Variants in SYNM observed in about 807,000 individuals in gnomAD.
The protein encoded by SYNM is synemin.
Under a neutral mutation model 104.0 loss-of-function variants are expected in SYNM, and 95 were observed. That is an observed-to-expected ratio of 0.91 (90% CI 0.77 to 1.08). SYNM has a LOEUF of 1.08. Among genes scored for constraint, SYNM ranks in the 50% least tolerant of loss-of-function variants. The pLI is 0.00. For missense variants in SYNM, 2,150 were observed against 2,052.2 expected (o/e 1.05, Z -0.92); for synonymous variants, 918 against 869.0 (o/e 1.06, Z -0.99).
In SYNM at chr15:99,128,032, C is replaced by T. The variant is rs909723366; in HGVS notation, c.1006+1240C>T. On this transcript the variant is annotated intron_variant, in intron 3 of 3. Coordinates refer to ENST00000336292, the MANE Select transcript of SYNM (RefSeq NM_145728.3). ...TCATTCATTCATTCATTCATTCATT[C>T]ATTATTTTTCAAGCTTCTTGAAGGA... Among the ~76,000 whole-genome samples, 7 of 150,604 alleles carry T rather than the reference C, an allele frequency of 4.6e-5. No homozygotes were observed. The South Asian group carries it at 1.1e-3, about 23-fold the overall frequency.
chr15:99,118,467 C>G (rs1395457032), intron 2 of SYNM, among the ~76,000 whole-genome samples: 8 of 152,266 alleles, frequency 5.3e-5, no homozygotes, highest in African/African-American at 1.9e-4. Flanking sequence ...CTTATTGGTT[C>G]TCATTCACAT....
chr15:99,114,286 A>C (rs1193467489), intron 2 of SYNM, among the ~76,000 whole-genome samples: 2 of 137,924 alleles, frequency 1.5e-5, no homozygotes, highest in Non-Finnish European at 3.4e-5. Context: ...GAGAGAGCTC[A>C]GGGGAAACTG....
In SYNM at chr15:99,132,437, C is replaced by A; in HGVS notation, c.4077C>A (p.Thr1359=). 6.2e-7 allele frequency: 1 copy of A among 1,614,026 alleles called. No homozygotes were observed. Among genetic ancestry groups the A allele is most frequent in the Non-Finnish European group, 8.5e-7 (1 of 1,179,904 alleles). The change falls in exon 4 of 4, where the codon ACC becomes ACA. Residue 1359 remains threonine, a synonymous_variant. Transcript: ENST00000336292. The part of the protein sequence containing the change: ...ADVHQATHSH[T]SGRQTVMTEK... Reference sequence around the variant, plus strand: ...TGCACCAGGCCACTCACAGTCATACCTCGGGTAGACAAACCGTTATGACTG... The same window carrying A: ...TGCACCAGGCCACTCACAGTCATACATCGGGTAGACAAACCGTTATGACTG...
chr15:99,119,300 C>A (rs1004623399), intron 2 of SYNM, among the ~76,000 whole-genome samples: 1 of 152,200 alleles, frequency 6.6e-6, no homozygotes, highest in Non-Finnish European at 1.5e-5. Flanking sequence ...CGGCAGCATG[C>A]GCATTGTGAG....
chr15:99,134,986 T>C lies in SYNM; in HGVS notation c.*1928T>C, dbSNP rs1457604655. ...AATGGTTTTTGGATAGATGATTGAC[T>C]GGTGAGAATTTGGTCAAGGTGACAG... On this transcript the variant is annotated 3_prime_UTR_variant, in exon 4 of 4. Coordinates refer to ENST00000336292, the MANE Select transcript of SYNM (RefSeq NM_145728.3). 2 of 152,328 alleles carry C rather than the reference T, an allele frequency of 1.3e-5. No homozygotes were observed. Among genetic ancestry groups the C allele is most frequent in the Non-Finnish European group, 2.9e-5 (2 of 68,044 alleles). 9.4% of individuals were successfully genotyped at this position (152,328 alleles called of 1,614,324 possible).
intron 1 of SYNM, among the ~76,000 whole-genome samples, chr15:99,107,268 T>C (rs1014817567): frequency 2.6e-5 from 4 of 152,230 alleles, no homozygotes; most frequent in Middle Eastern, 3.2e-3. Flanking sequence ...CGATTTCCAC[T>C]TGTGAGCACT....
chr15:99,132,164 C>T lies in SYNM; in HGVS notation c.3804C>T (p.Gly1268=). 2 of 1,613,938 alleles carry T rather than the reference C, an allele frequency of 1.2e-6. No individual in the cohort carries two copies. The highest frequency in any genetic ancestry group is 2.2e-5 in the South Asian group (2 of 91,082). The change falls in exon 4 of 4, where the codon GGC becomes GGT. Residue 1268 remains glycine, a synonymous_variant. Coordinates refer to ENST00000336292, the MANE Select transcript of SYNM (RefSeq NM_145728.3). ...TQTSVRQLQL[G]PKEGFSGQIQ... Reference sequence around the variant, plus strand: ...CTTCTGTCAGGCAACTCCAGTTAGGCCCTAAAGAAGGGTTCAGTGGGCAAA... The same window carrying T: ...CTTCTGTCAGGCAACTCCAGTTAGGTCCTAAAGAAGGGTTCAGTGGGCAAA...
chr15:99,106,914 A>T (rs1343556356), intron 1 of SYNM, among the ~76,000 whole-genome samples: 3 of 152,254 alleles, frequency 2.0e-5, no homozygotes, highest in Non-Finnish European at 4.4e-5. Context: ...TTAAGAGTAC[A>T]GTTTGCAGCT....
the SYNM span, among the ~76,000 whole-genome samples, chr15:99,141,288 A>G: frequency 0.077 from 11,665 of 152,292 alleles, 466 homozygotes; most frequent in South Asian, 0.087. Flanking sequence ...TCATGATTAC[A>G]AAGTCAAGGG....
At chr15:99,108,487 G>A (rs782663052) in intron 1 of SYNM, among the ~76,000 whole-genome samples, 1 of 152,012 alleles carries the variant, frequency 6.6e-6, no homozygotes, top group Non-Finnish European at 1.5e-5. Flanking sequence ...AATTTTTTTC[G>A]GGTTCTGTAG....
chr15:99,126,541 T>G (rs782228602), intron 2 of SYNM, among the ~76,000 whole-genome samples, 181 bp from the exon 3 acceptor site: 2 of 152,228 alleles, frequency 1.3e-5, no homozygotes, highest in Non-Finnish European at 2.9e-5. Flanking sequence ...CCAGGTCTGC[T>G]GAGGCTGGTG....
intron 1 of SYNM, among the ~76,000 whole-genome samples, chr15:99,107,364 A>C (rs552427491): frequency 6.6e-6 from 1 of 152,262 alleles, no homozygotes; most frequent in East Asian, 1.9e-4. Context: ...AAAGTGCCTT[A>C]ATGTGGCATT....
Position 99,132,127 on chromosome 15 carries a change from T to C in SYNM, c.3767T>C (p.Val1256Ala), listed in dbSNP as rs2067516464. ...VGDYFATEES[V>A]GTQTSVRQLQ... is the part of the protein sequence containing the mutation. ...GATTATTTTGCAACAGAAGAGTCAG[T>C]GGGTACCCAGACTTCTGTCAGGCAA... The change falls in exon 4 of 4, where the codon GTG (valine) becomes GCG (alanine). Residue 1256 changes from valine (V) to alanine (A), a missense_variant. Transcript: ENST00000336292. 1 of 1,613,876 alleles carries C rather than the reference T, an allele frequency of 6.2e-7. No individual in the cohort carries two copies. Among genetic ancestry groups the C allele is most frequent in the African/African-American group, 1.3e-5 (1 of 74,926 alleles).
rs1219877416 is a variant in SYNM at position 99,131,669 on chromosome 15, G to A, written c.3309G>A (p.Val1103=). The A allele has an allele frequency of 6.2e-7, 1 of 1,612,396 alleles. No individual in the cohort carries two copies. Among genetic ancestry groups the A allele is most frequent in the Non-Finnish European group, 8.5e-7 (1 of 1,179,674 alleles). The change falls in exon 4 of 4, where the codon GTG becomes GTA. Residue 1103 remains valine, a synonymous_variant. Transcript: ENST00000336292. This position sits in a 1 kb window ranked among gnomAD's most constrained non-coding sequence, Gnocchi z 4.3. ...RTPQGPVSAT[V]EVSSPTGFAQ... is the part of the protein sequence containing the mutation. ...CCCAGGGCCCAGTGTCGGCCACTGT[G>A]GAGGTCAGCAGCCCCACAGGCTTTG...
rs782080144 is a variant in SYNM at position 99,132,879 on chromosome 15, G to T, written c.4519G>T (p.Ala1507Ser). 5 of 1,613,914 alleles carry T rather than the reference G, an allele frequency of 3.1e-6. No homozygotes were observed. The Admixed American group carries it at 6.7e-5, about 22-fold the overall frequency. ...NDQAVGVSFKASAGEGDQAHR... is the reference protein window; with the variant it reads ...NDQAVGVSFKSSAGEGDQAHR... ...CCAGGCAGTTGGTGTGAGCTTTAAG[G>T]CCTCTGCTGGGGAAGGAGACCAGGC... Residue 1507 changes from alanine (A) to serine (S), a missense_variant, in exon 4 of 4, where the codon GCC becomes TCC. Physicochemically the swap from Ala to Ser is moderately conservative, Grantham distance 99. Coordinates refer to ENST00000336292, the MANE Select transcript of SYNM (RefSeq NM_145728.3).
At position 99,130,679 on chromosome 15, in the gene SYNM, C is replaced by A; in HGVS notation, c.2319C>A (p.Val773=). Residue 773 remains valine, a synonymous_variant, in exon 4 of 4, where the codon GTC becomes GTA. Transcript: ENST00000336292. ...EFSVPFKVEE[V]EDVSPGPWGL... ...CCGTCCCATTCAAAGTGGAGGAGGT[C>A]GAAGATGTGTCGCCAGGCCCCTGGG... The A allele has an allele frequency of 6.2e-7, 1 of 1,613,608 alleles. No homozygotes were observed. The highest frequency in any genetic ancestry group is 1.1e-5 in the South Asian group (1 of 91,032).
Position 99,130,209 on chromosome 15 carries a change from C to T in SYNM, c.1849C>T (p.Arg617Trp), listed in dbSNP as rs199760153. 6.8e-4 allele frequency: 1,100 copies of T among 1,613,932 alleles called. No individual in the cohort carries two copies. The highest frequency in any genetic ancestry group is 8.5e-4 in the Non-Finnish European group (1,006 of 1,179,900). Residue 617 changes from arginine (R) to tryptophan (W), a missense_variant, in exon 4 of 4, where the codon CGG becomes TGG. By Grantham distance (101) the Arg-to-Trp change is moderately radical. Coordinates refer to ENST00000336292, the MANE Select transcript of SYNM (RefSeq NM_145728.3). ...TGREAEAREL[R>W]FRLGTSDATG... is the part of the protein sequence containing the mutation. ...TAGAGAGGCAGAAGCAAGAGAGCTACGGTTCAGGTTGGGCACCAGTGATGC... is the reference window on the plus strand; with the variant it reads ...TAGAGAGGCAGAAGCAAGAGAGCTATGGTTCAGGTTGGGCACCAGTGATGC...
In SYNM at chr15:99,114,040, C is replaced by T. The variant is rs73476378; in HGVS notation, c.935+325C>T. On this transcript the variant is annotated intron_variant, in intron 2 of 3. Transcript: ENST00000336292. ...TCCTAGGAACTGGAGACTGTGTTTA[C>T]AGATGAACAGACTTTGCTCAGAGAA... is the stretch of plus-strand genomic sequence containing the variant. Among the ~76,000 whole-genome samples, 1,378 of 152,184 alleles carry T rather than the reference C, an allele frequency of 9.1e-3. 23 individuals are homozygous for T. Among genetic ancestry groups the T allele is most frequent in the African/African-American group, 0.031 (1,282 of 41,504 alleles).
chr15:99,131,379 C>A lies in SYNM; in HGVS notation c.3019C>A (p.Gln1007Lys). 1 of 1,613,142 alleles carries A rather than the reference C, an allele frequency of 6.2e-7. No homozygotes were observed. The highest frequency in any genetic ancestry group is 8.5e-7 in the Non-Finnish European group (1 of 1,179,596). ...CCTGGTTGCTGAAGTCAACGTCTCA[C>A]AAACTGTGGATGCCGATCGGTTAGA... is the stretch of plus-strand genomic sequence containing the variant. Reference protein sequence around the residue: ...VTLVAEVNVSQTVDADRLDLE... With the variant: ...VTLVAEVNVSKTVDADRLDLE... Residue 1007 changes from glutamine (Q) to lysine (K), a missense_variant, in exon 4 of 4, where the codon CAA becomes AAA. Gln to Lys is a moderately conservative substitution (Grantham distance 53). Coordinates refer to ENST00000336292, the MANE Select transcript of SYNM (RefSeq NM_145728.3). This position sits in a 1 kb window ranked among gnomAD's most constrained non-coding sequence, Gnocchi z 4.3.
Sources: gnomAD v4.1 joint callset for allele counts (sites outside exome capture counted in the v4.1 genomes callset) on GRCh38, gnomAD v4.1.1 for gene constraint, Gnocchi (gnomAD v3.1) non-coding constraint, MANE v1.5 for transcripts, NCBI Gene and HGNC (gene_info 2026-07-23, HGNC 2026-07-21) for gene names.